The following PLEKHM2 variants were observed in gnomAD, a reference collection of about 807,000 sequenced individuals.
The protein encoded by PLEKHM2 is pleckstrin homology domain-containing family M member 2.
Under a neutral mutation model 116.3 loss-of-function variants are expected in PLEKHM2, and 77 were observed. That is an observed-to-expected ratio of 0.66 (90% CI 0.55 to 0.80). The LOEUF (loss-of-function observed/expected upper bound fraction) is 0.80. Among genes scored for constraint, PLEKHM2 ranks in the 30% least tolerant of loss-of-function variants. The pLI is 0.00. For missense variants in PLEKHM2, 1,183 were observed against 1,354.9 expected, an observed-to-expected ratio of 0.87 and a Z score of 1.99; for synonymous variants, 562 against 571.0, an observed-to-expected ratio of 0.98 and a Z score of 0.22.
At chr1:15,730,771 T>A (rs2068131162) in intron 15 of PLEKHM2, 49 bp downstream of exon 15, 1 of 1,484,754 alleles carries the variant, frequency 6.7e-7, no homozygotes, top group African/African-American at 1.4e-5. Flanking sequence ...CTGGGGTGGC[T>A]GGGCTGTCAG....
At chr1:15,681,811 C>A (rs1056474285), upstream of PLEKHM2, among the ~76,000 whole-genome samples, 12 of 152,234 alleles carry the variant, frequency 7.9e-5, no homozygotes, top group African/African-American at 2.7e-4. Context: ...ACTGGAGTCT[C>A]AACCCTCATC....
intron 7 of PLEKHM2, chr1:15,723,228 C>G (rs1306223824): frequency 1.3e-5 from 2 of 152,100 alleles, no homozygotes; most frequent in African/African-American, 4.8e-5. Context: ...TTGGGTGCAA[C>G]TGCGTGTGCT....
At chr1:15,690,862 T>G (rs1046963946) in intron 1 of PLEKHM2, among the ~76,000 whole-genome samples, 4 of 152,172 alleles carry the variant, frequency 2.6e-5, no homozygotes, top group Non-Finnish European at 5.9e-5. Context: ...GAGCTGACAT[T>G]CTAGAAGAAA....
At chr1:15,686,793 C>T (rs777432011) in intron 1 of PLEKHM2, among the ~76,000 whole-genome samples, 2 of 151,526 alleles carry the variant, frequency 1.3e-5, no homozygotes, top group South Asian at 4.2e-4. Context: ...GGACTATAAG[C>T]GCCGGCCACC....
At chr1:15,726,727 A>T (rs1392320324) in intron 8 of PLEKHM2, among the ~76,000 whole-genome samples, 2 of 152,086 alleles carry the variant, frequency 1.3e-5, no homozygotes, top group Admixed American at 6.6e-5. Context: ...CAGCTGTTCC[A>T]TTAGGAGGAA....
In PLEKHM2 at chr1:15,725,336, G is replaced by A. The variant is rs372990044; in HGVS notation, c.732G>A (p.Thr244=). ...TCCCAGATGGAGACCTCACAGACAC[G>A]GTCAGTGGTCCCCGCTCCACAGCCT... ...TDWEDGDLTD[T]VSGPRSTASD... The change falls in exon 8 of 20, where the codon ACG becomes ACA. Residue 244 remains threonine, a synonymous_variant. Coordinates refer to ENST00000375799, the MANE Select transcript of PLEKHM2 (RefSeq NM_015164.4). 6.8e-5 allele frequency: 105 copies of A among 1,550,884 alleles called. No homozygotes were observed. Among genetic ancestry groups the A allele is most frequent in the East Asian group, 2.9e-4 (12 of 40,930 alleles).
intron 1 of PLEKHM2, among the ~76,000 whole-genome samples, chr1:15,702,533 A>G (rs1641136161): frequency 6.6e-6 from 1 of 152,006 alleles, no homozygotes. Flanking sequence ...CTTTTGCCTC[A>G]GCCTCCCAAG....
At chr1:15,732,308 C>T (rs369433642) in intron 17 of PLEKHM2, 42 bp from the exon 18 acceptor site, 8 of 1,492,294 alleles carry the variant, frequency 5.4e-6, no homozygotes, top group African/African-American at 1.4e-5. Context: ...TGCAGACCAG[C>T]CCTGGAGGCC....
chr1:15,704,917 T>C (rs1641191225), intron 1 of PLEKHM2, among the ~76,000 whole-genome samples: 1 of 152,210 alleles, frequency 6.6e-6, no homozygotes, highest in South Asian at 2.1e-4. Context: ...GCATCAGGAT[T>C]ACCTGGAGTG....
rs1451701717 is a variant in PLEKHM2, at chr1:15,728,001, C to G, written c.1761-78C>G. 4 of 1,309,936 alleles carry G rather than the reference C, an allele frequency of 3.1e-6. No individual in the cohort carries two copies. Among genetic ancestry groups the G allele is most frequent in the Non-Finnish European group, 4.3e-6 (4 of 923,552 alleles). The allele number at this position is 1,309,936 out of a possible 1,614,324, so 81.1% of individuals were successfully genotyped here. Reference sequence around the variant, plus strand: ...CCTAGTGGGAGGCGGAGGCACTACCCCCTGGCTCTGGGGTGGGGTGTGGCC... The same window carrying G: ...CCTAGTGGGAGGCGGAGGCACTACCGCCTGGCTCTGGGGTGGGGTGTGGCC... On this transcript the variant is annotated intron_variant, in intron 9 of 19. Transcript: ENST00000375799. This position sits in a 1 kb window ranked among gnomAD's most constrained non-coding sequence, Gnocchi z 5.9.
chr1:15,708,000 T>G lies in PLEKHM2; in HGVS notation c.61-8237T>G, dbSNP rs980185008. Among the ~76,000 whole-genome samples, 10 of 152,118 alleles carry G rather than the reference T, an allele frequency of 6.6e-5. No individual in the cohort carries two copies. The East Asian group carries it at 1.9e-3, about 29-fold the overall frequency. On this transcript the variant is annotated intron_variant, in intron 1 of 19. Transcript: ENST00000375799. ...CCTGGGTTCAAGTGATTCTCCTGCC[T>G]CAGCCTCCCGAGTAGCTGAGATTAC...
chr1:15,715,612 G>A (rs1641429004), intron 1 of PLEKHM2, among the ~76,000 whole-genome samples: 1 of 152,228 alleles, frequency 6.6e-6, no homozygotes, highest in Non-Finnish European at 1.5e-5. Flanking sequence ...CTGCCCTCCA[G>A]CCTGGGCGAC....
rs746829893 is a variant in PLEKHM2 at position 15,716,337 on chromosome 1, T to C, written c.161T>C (p.Leu54Pro). ...TGTGAGCACCTGGACCACGCCCTGC[T>C]GTACGGGTAAGGTGGAGGAAGTTTC... is the stretch of plus-strand genomic sequence containing the variant. ...RLCEHLDHAL[L>P]YGLQDLSSGY... is the part of the protein sequence containing the mutation. Residue 54 changes from leucine to proline, a missense_variant, in exon 2 of 20, where the codon CTG (leucine) becomes CCG (proline). This residue lies in a region of PLEKHM2 where 217 missense variants were observed against 277.6 expected (regional missense o/e 0.78). Transcript: ENST00000375799. 1 of 1,588,700 alleles carries C rather than the reference T, an allele frequency of 6.3e-7. No homozygotes were observed. The highest frequency in any genetic ancestry group is 8.6e-7 in the Non-Finnish European group (1 of 1,164,396).
intron 1 of PLEKHM2, among the ~76,000 whole-genome samples, chr1:15,696,352 GT>G (rs1640996673): frequency 6.6e-6 from 1 of 152,022 alleles, no homozygotes; most frequent in Non-Finnish European, 1.5e-5. Context: ...TGTTTTTATT[GT>G]TTTGTTTTGT....
chr1:15,702,717 CTTTT>C (rs34226783), intron 1 of PLEKHM2, among the ~76,000 whole-genome samples: 1 of 89,930 alleles, frequency 1.1e-5, no homozygotes, highest in Non-Finnish European at 2.1e-5. Flanking sequence ...CGTGCCCAGC[CTTTT>C]TTTTTTTTTT....
At chr1:15,694,341 T>G (rs1640947344) in intron 1 of PLEKHM2, among the ~76,000 whole-genome samples, 1 of 150,296 alleles carries the variant, frequency 6.7e-6, no homozygotes, top group Non-Finnish European at 1.5e-5. Flanking sequence ...AGAGCGAGAC[T>G]CCATCTCAAA....
upstream of PLEKHM2, among the ~76,000 whole-genome samples, chr1:15,682,710 C>T (rs536726657): frequency 6.6e-6 from 1 of 151,338 alleles, no homozygotes; most frequent in African/African-American, 2.4e-5. Flanking sequence ...GGCTGGGGAG[C>T]GACCTTTGGA....
At chr1:15,731,786 T>C (rs1489439678) in intron 16 of PLEKHM2, 103 bp from the exon 17 acceptor site, 12 of 967,012 alleles carry the variant, frequency 1.2e-5, no homozygotes, top group Non-Finnish European at 1.8e-5. Flanking sequence ...CCCAAGACGG[T>C]GGGGCAGACC....
intron 1 of PLEKHM2, among the ~76,000 whole-genome samples, chr1:15,695,219 A>G (rs534302411): frequency 6.6e-6 from 1 of 152,364 alleles, no homozygotes; most frequent in South Asian, 2.1e-4. Flanking sequence ...GAAACCCAAT[A>G]TTATGCGAGT....
Sources: gnomAD v4.1 joint callset for allele counts (sites outside exome capture counted in the v4.1 genomes callset) on GRCh38, gnomAD v4.1.1 for gene constraint, gnomAD v4.1.1 regional missense constraint, Gnocchi (gnomAD v3.1) non-coding constraint, MANE v1.5 for transcripts, NCBI Gene and HGNC (gene_info 2026-07-23, HGNC 2026-07-21) for gene names.